PRKN: variants seen among roughly 807,000 people sequenced by gnomAD.
PRKN encodes the protein parkin RBR E3 ubiquitin protein ligase, also known as E3 ubiquitin-protein ligase parkin.
Under a neutral mutation model 59.5 loss-of-function variants are expected in PRKN, and 56 were observed. The ratio of observed to expected loss-of-function variants is 0.94; its 90% CI spans 0.76 to 1.18. The LOEUF is 1.18. Among genes scored for constraint, PRKN ranks in the 50% most tolerant of loss-of-function variants. The pLI is 0.00. For synonymous variants in PRKN, 250 were observed against 222.1 expected, an observed-to-expected ratio of 1.13 and a Z score of -1.12; for missense variants, 657 against 596.4, an observed-to-expected ratio of 1.10 and a Z score of -1.06.
At position 161,530,521 on chromosome 6, in the gene PRKN, C is replaced by CTTTTTTTT. The variant is rs537671875; in HGVS notation, c.1083+18325_1083+18332dup. Among the ~76,000 whole-genome samples, 1 of 141,866 alleles carries CTTTTTTTT rather than the reference C, an allele frequency of 7.0e-6. No homozygotes were observed. Among genetic ancestry groups the CTTTTTTTT allele is most frequent in the Non-Finnish European group, 1.5e-5 (1 of 65,272 alleles). 93.1% of individuals were successfully genotyped at this position (141,866 alleles called of 152,430 possible). ...GGCTTGCTTCTTTTTTTCTTTTTTT[C>CTTTTTTTT]TTTTTTTTTTTTGAGATGGAGTTTC... On this transcript the variant is annotated intron_variant, in intron 9 of 11. Transcript: ENST00000366898. This position sits in a 1 kb window ranked among gnomAD's most constrained non-coding sequence, Gnocchi z 5.0.
chr6:161,964,707 A>T (rs924732750), intron 6 of PRKN, among the ~76,000 whole-genome samples: 3 of 152,048 alleles, frequency 2.0e-5, no homozygotes, highest in African/African-American at 7.3e-5. Context: ...TCCATGACAG[A>T]AAGAAAACCA....
intron 2 of PRKN, among the ~76,000 whole-genome samples, chr6:162,443,087 T>C (rs1342581359): frequency 6.6e-6 from 1 of 152,200 alleles, no homozygotes; most frequent in Non-Finnish European, 1.5e-5. Context: ...TCTTTCTCTC[T>C]CTCTTTCTCA....
rs1321569523 is a variant in PRKN, at chr6:161,584,527, T to C, written c.872-15111A>G. On this transcript the variant is annotated intron_variant, in intron 7 of 11. Coordinates refer to ENST00000366898, the MANE Select transcript of PRKN (RefSeq NM_004562.3). The surrounding 1 kb of genome is among the most constrained non-coding windows in gnomAD (Gnocchi z 4.8). Reference sequence around the variant, plus strand: ...TGGCCTGTTATTAGAAGAAAATCTTTTAACATATCCCCCTTACACTTGCCA... The same window carrying C: ...TGGCCTGTTATTAGAAGAAAATCTTCTAACATATCCCCCTTACACTTGCCA... 6.6e-6 allele frequency among the ~76,000 whole-genome samples: 1 copy of C among 152,238 alleles called. No homozygotes were observed. Among genetic ancestry groups the C allele is most frequent in the African/African-American group, 2.4e-5 (1 of 41,464 alleles).
intron 8 of PRKN, among the ~76,000 whole-genome samples, chr6:161,559,522 T>C (rs559092062): frequency 6.6e-6 from 1 of 152,328 alleles, no homozygotes; most frequent in African/African-American, 2.4e-5. Context: ...GCCCCTCAGA[T>C]AAATGAGCGT....
rs1034893730 is a variant in PRKN, at chr6:161,582,679, G to A, written c.872-13263C>T. Reference sequence around the variant, plus strand: ...GCTGACCTCGTGATCTGCCCGCCTCGGCCTCCCAAAGTTCTGGGATTACAG... The same window carrying A: ...GCTGACCTCGTGATCTGCCCGCCTCAGCCTCCCAAAGTTCTGGGATTACAG... On this transcript the variant is annotated intron_variant, in intron 7 of 11. Coordinates refer to ENST00000366898, the MANE Select transcript of PRKN (RefSeq NM_004562.3). This position sits in a 1 kb window ranked among gnomAD's most constrained non-coding sequence, Gnocchi z 4.4. Among the ~76,000 whole-genome samples, 1 of 151,876 alleles carries A rather than the reference G, an allele frequency of 6.6e-6. No homozygotes were observed. The highest frequency in any genetic ancestry group is 2.1e-4 in the South Asian group (1 of 4,800).
chr6:161,372,659 C>G lies in PRKN; in HGVS notation c.1168-12454G>C, dbSNP rs1250782247. Among the ~76,000 whole-genome samples the G allele has an allele frequency of 6.6e-6, 1 of 152,044 alleles. No homozygotes were observed. The highest frequency in any genetic ancestry group is 1.9e-4 in the East Asian group (1 of 5,190). ...CGGAAGCGCTTGTGCTGTGGCTCCC[C>G]CACTACCCCTCTGGGTCTGAATCCA... On this transcript the variant is annotated intron_variant, in intron 10 of 11. Transcript: ENST00000366898. This position sits in a 1 kb window ranked among gnomAD's most constrained non-coding sequence, Gnocchi z 4.2.
At chr6:162,135,776 T>C (rs986743134) in intron 4 of PRKN, among the ~76,000 whole-genome samples, 1 of 152,068 alleles carries the variant, frequency 6.6e-6, no homozygotes, top group Non-Finnish European at 1.5e-5. Flanking sequence ...GGAGGGGCCA[T>C]TTTCAGTCTC....
intron 6 of PRKN, among the ~76,000 whole-genome samples, chr6:161,936,698 G>A (rs1463236579): frequency 2.0e-5 from 3 of 152,112 alleles, no homozygotes; most frequent in Admixed American, 1.3e-4. Context: ...TCTCATTGAG[G>A]AAGGGCAAAT....
At chr6:161,634,291 C>A (rs529412121) in intron 7 of PRKN, among the ~76,000 whole-genome samples, 1 of 152,326 alleles carries the variant, frequency 6.6e-6, no homozygotes, top group East Asian at 1.9e-4. Context: ...CTCAGTCCCC[C>A]TGAAGGCCTG....
rs540064641 is a variant in PRKN, at chr6:162,056,155, G to A, written c.535-1981C>T. Among the ~76,000 whole-genome samples the A allele has an allele frequency of 2.0e-3, 251 of 123,028 alleles. 1 individual carries two copies. The highest frequency in any genetic ancestry group is 3.6e-3 in the Non-Finnish European group (207 of 57,610). 80.7% of individuals were successfully genotyped at this position (123,028 alleles called of 152,430 possible). On this transcript the variant is annotated intron_variant, in intron 4 of 11. Coordinates refer to ENST00000366898, the MANE Select transcript of PRKN (RefSeq NM_004562.3). The surrounding 1 kb of genome is among the most constrained non-coding windows in gnomAD (Gnocchi z 4.9). ...ACACCAAGACACACCACACACGCAC[G>A]CACACCAAAACACACCACACATGCA...
intron 7 of PRKN, among the ~76,000 whole-genome samples, chr6:161,646,568 G>C (rs13206788): frequency 2.8e-3 from 206 of 73,980 alleles, no homozygotes; most frequent in East Asian, 4.7e-3. Context: ...GTGTCAGTGA[G>C]AGTGGTGACT....
intron 8 of PRKN, among the ~76,000 whole-genome samples, chr6:161,553,687 G>A (rs1228277215): frequency 6.6e-6 from 1 of 152,098 alleles, no homozygotes; most frequent in East Asian, 1.9e-4. Flanking sequence ...AATAGGAAAG[G>A]CAGGATAAAA....
At chr6:162,445,529 A>C (rs78716895) in intron 1 of PRKN, among the ~76,000 whole-genome samples, 8 of 151,290 alleles carry the variant, frequency 5.3e-5, no homozygotes, top group Non-Finnish European at 1.2e-4. Context: ...TCTACAAAAA[A>C]TTTTTTTAAA....
chr6:161,744,722 G>A (rs186691243), intron 7 of PRKN, among the ~76,000 whole-genome samples: 311 of 152,308 alleles, frequency 2.0e-3, no homozygotes, highest in Middle Eastern at 0.01. Context: ...GCATGGGCAG[G>A]CCTGTTCCAT....
intron 4 of PRKN, among the ~76,000 whole-genome samples, chr6:162,088,327 C>T (rs903582660): frequency 6.6e-6 from 1 of 152,058 alleles, no homozygotes; most frequent in Non-Finnish European, 1.5e-5. Context: ...CAGCAGTTAC[C>T]GAGTTAATGG....
chr6:162,125,340 C>A (rs893716432), intron 4 of PRKN, among the ~76,000 whole-genome samples: 1 of 152,162 alleles, frequency 6.6e-6, no homozygotes, highest in African/African-American at 2.4e-5. Context: ...CTCAAGGAGG[C>A]GCTGCTTTTG....
intron 2 of PRKN, among the ~76,000 whole-genome samples, chr6:162,427,905 T>C (rs1019071205): frequency 5.3e-5 from 8 of 152,294 alleles, no homozygotes; most frequent in Admixed American, 2.0e-4. Flanking sequence ...AAGTTCAGGA[T>C]AATAGTTACC....
intron 6 of PRKN, among the ~76,000 whole-genome samples, chr6:161,833,841 C>A (rs535972070): frequency 1.3e-5 from 2 of 152,188 alleles, no homozygotes; most frequent in Non-Finnish European, 2.9e-5. Flanking sequence ...CCTGAAGGAG[C>A]CTTTCGGTTT....
chr6:162,153,335 G>T (rs1782355934), intron 4 of PRKN, among the ~76,000 whole-genome samples: 1 of 152,042 alleles, frequency 6.6e-6, no homozygotes, highest in Non-Finnish European at 1.5e-5. Context: ...ATGGTCAGCT[G>T]CTTTAGCCCC....
Sources: gnomAD v4.1 joint callset for allele counts (sites outside exome capture counted in the v4.1 genomes callset) on GRCh38, gnomAD v4.1.1 for gene constraint, Gnocchi (gnomAD v3.1) non-coding constraint, MANE v1.5 for transcripts, NCBI Gene and HGNC (gene_info 2026-07-23, HGNC 2026-07-21) for gene names.